RABGAP1L: variants seen among roughly 807,000 people sequenced by gnomAD.
RABGAP1L encodes RAB GTPase activating protein 1 like, also known as rab GTPase-activating protein 1-like.
Under a neutral mutation model 137.7 loss-of-function variants are expected in RABGAP1L, and 63 were observed. The observed-to-expected ratio is 0.46, with a 90% CI of 0.37 to 0.56. RABGAP1L has a LOEUF of 0.56. Ranked by LOEUF, RABGAP1L falls within the 20% of genes least tolerant of loss-of-function variation. RABGAP1L has a pLI of 0.00. For missense variants in RABGAP1L, 1,095 were observed against 1,244.0 expected (o/e 0.88, Z 1.80); for synonymous variants, 431 against 433.7 (o/e 0.99, Z 0.08).
At chr1:174,419,676 A>G (rs1651026197) in intron 13 of RABGAP1L, among the ~76,000 whole-genome samples, 1 of 152,250 alleles carries the variant, frequency 6.6e-6, no homozygotes, top group African/African-American at 2.4e-5. Context: ...GTAAATAAAT[A>G]TAAAATGAAC....
chr1:174,210,650 T>C (rs1668818346), intron 1 of RABGAP1L, among the ~76,000 whole-genome samples: 1 of 152,052 alleles, frequency 6.6e-6, no homozygotes, highest in Admixed American at 6.5e-5. Context: ...AAAGAGGAGA[T>C]AGAGAAAGAT....
chr1:174,296,788 CTGATAAATTGCTT>C (rs1677167907), intron 10 of RABGAP1L, among the ~76,000 whole-genome samples: 1 of 152,100 alleles, frequency 6.6e-6, no homozygotes, highest in African/African-American at 2.4e-5. Flanking sequence ...TGTTGCTACT[CTGATAAATTGCTT>C]AAGAAATGAT....
At chr1:174,382,774 C>A (rs1238752279) in intron 12 of RABGAP1L, among the ~76,000 whole-genome samples, 6 of 150,472 alleles carry the variant, frequency 4.0e-5, no homozygotes, top group Non-Finnish European at 4.4e-5. Flanking sequence ...TCGTCTGAAG[C>A]CTTCTTCTCT....
At chr1:174,674,416 C>T (rs1397990238) in intron 14 of RABGAP1L, among the ~76,000 whole-genome samples, 2 of 149,668 alleles carry the variant, frequency 1.3e-5, no homozygotes, top group Non-Finnish European at 3.0e-5. Flanking sequence ...AGGGCATGAA[C>T]TCATCATTTT....
At chr1:174,684,630 T>C (rs1678323316) in intron 15 of RABGAP1L, among the ~76,000 whole-genome samples, 1 of 152,254 alleles carries the variant, frequency 6.6e-6, no homozygotes, top group East Asian at 1.9e-4. Context: ...TTTTCATACC[T>C]GTGTAAAGGG....
At chr1:174,728,342 G>C (rs567488956) in intron 17 of RABGAP1L, among the ~76,000 whole-genome samples, 1 of 152,088 alleles carries the variant, frequency 6.6e-6, no homozygotes, top group East Asian at 1.9e-4. Context: ...GTTCAAGCTC[G>C]GAGCCAAATA....
chr1:174,853,294 TG>T (rs1485260046), intron 19 of RABGAP1L, among the ~76,000 whole-genome samples: 2 of 151,802 alleles, frequency 1.3e-5, no homozygotes, highest in African/African-American at 4.8e-5. Flanking sequence ...TATATTATAC[TG>T]AGCTTTATTT....
chr1:174,669,505 A>G (rs900529461), intron 14 of RABGAP1L, among the ~76,000 whole-genome samples: 20 of 152,092 alleles, frequency 1.3e-4, no homozygotes, highest in African/African-American at 4.8e-4. Flanking sequence ...ACATTTGTCT[A>G]TTTTTACTTT....
intron 11 of RABGAP1L, among the ~76,000 whole-genome samples, chr1:174,322,872 A>C (rs530555155): frequency 6.6e-6 from 1 of 152,284 alleles, no homozygotes; most frequent in African/African-American, 2.4e-5. Context: ...TGGGGAATGT[A>C]ATTGAGCTGT....
At chr1:174,166,297 A>G (rs1664904919) in intron 1 of RABGAP1L, among the ~76,000 whole-genome samples, 1 of 152,104 alleles carries the variant, frequency 6.6e-6, no homozygotes, top group African/African-American at 2.4e-5. Context: ...AACAGGAAGC[A>G]GTTTTGAAAG....
At chr1:174,539,266 T>C (rs1425862160) in intron 13 of RABGAP1L, among the ~76,000 whole-genome samples, 1 of 152,070 alleles carries the variant, frequency 6.6e-6, no homozygotes, top group Non-Finnish European at 1.5e-5. Context: ...TTGATTTATT[T>C]TTTTCATTTC....
chr1:174,549,711 A>G (rs1198278897), intron 13 of RABGAP1L, among the ~76,000 whole-genome samples: 1 of 152,230 alleles, frequency 6.6e-6, no homozygotes, highest in Non-Finnish European at 1.5e-5. Context: ...TTTTTCCTAC[A>G]AATAGTATAG....
intron 19 of RABGAP1L, among the ~76,000 whole-genome samples, chr1:174,941,256 A>G (rs1188797890): frequency 6.6e-6 from 1 of 152,116 alleles, no homozygotes; most frequent in African/African-American, 2.4e-5. Flanking sequence ...TAGTTAGTCT[A>G]CACCTTGGAT....
intron 12 of RABGAP1L, among the ~76,000 whole-genome samples, chr1:174,391,255 G>A (rs1026656263): frequency 2.6e-5 from 4 of 152,328 alleles, no homozygotes; most frequent in Admixed American, 2.0e-4. Flanking sequence ...ACCAACTCTT[G>A]AAATTTGTTG....
chr1:174,689,817 A>G (rs1158136125), intron 15 of RABGAP1L, among the ~76,000 whole-genome samples: 1 of 152,082 alleles, frequency 6.6e-6, no homozygotes, highest in African/African-American at 2.4e-5. Flanking sequence ...AGCCCCTCCT[A>G]AACAATGGAA....
intron 14 of RABGAP1L, among the ~76,000 whole-genome samples, chr1:174,646,494 C>T (rs1674977809): frequency 6.6e-6 from 1 of 152,096 alleles, no homozygotes; most frequent in South Asian, 2.1e-4. Flanking sequence ...TAGTTTTTGT[C>T]AGGTTTGTCA....
chr1:174,426,317 T>C (rs1257763973), intron 13 of RABGAP1L, among the ~76,000 whole-genome samples: 1 of 152,080 alleles, frequency 6.6e-6, no homozygotes, highest in Non-Finnish European at 1.5e-5. Flanking sequence ...CTCTCACATT[T>C]CTGAAGCTGT....
At chr1:174,227,250 G>A (rs997042157) in intron 3 of RABGAP1L, among the ~76,000 whole-genome samples, 4 of 149,596 alleles carry the variant, frequency 2.7e-5, no homozygotes, top group Non-Finnish European at 5.9e-5. Flanking sequence ...GCCTAGGCTG[G>A]AGTGCAATGG....
intron 13 of RABGAP1L, among the ~76,000 whole-genome samples, chr1:174,617,341 A>G (rs1671982945): frequency 6.6e-6 from 1 of 152,196 alleles, no homozygotes; most frequent in Non-Finnish European, 1.5e-5. Flanking sequence ...AAAAATGAAG[A>G]AAGTAGAGTA....
Sources: allele counts gnomAD v4.1 joint callset (sites outside exome capture counted in the v4.1 genomes callset), GRCh38; gene constraint gnomAD v4.1.1; transcripts MANE v1.5; gene names NCBI Gene and HGNC (gene_info 2026-07-23, HGNC 2026-07-21).